ZNF804A: variants seen among roughly 807,000 people sequenced by gnomAD.
ZNF804A encodes the protein zinc finger protein 804A.
A neutral mutation model predicts 16.5 loss-of-function variants in ZNF804A; 2 were observed. The ratio of observed to expected loss-of-function variants is 0.12; its 90% confidence interval spans 0.05 to 0.38. ZNF804A has a LOEUF of 0.38. Among genes scored for constraint, ZNF804A ranks in the 10% least tolerant of loss-of-function variants. ZNF804A has a pLI of 0.99. For missense variants in ZNF804A, 1,473 were observed against 1,390.7 expected (o/e 1.06, Z -0.94); for synonymous variants, 534 against 489.6 (o/e 1.09, Z -1.20).
chr2:184,714,254 C>G (rs1693180118), intron 1 of ZNF804A, among the ~76,000 whole-genome samples: 1 of 151,964 alleles, frequency 6.6e-6, no homozygotes, highest in Admixed American at 6.6e-5. Flanking sequence ...TTCTGTTCAT[C>G]TTACTCCCTC....
rs1309169057 is a variant in ZNF804A at position 184,829,704 on chromosome 2, G to C, written c.112-36665G>C. 2.7e-5 allele frequency among the ~76,000 whole-genome samples: 4 copies of C among 150,926 alleles called. No homozygotes were observed. The East Asian group carries it at 7.8e-4, about 29-fold the overall frequency. The stretch of plus-strand genomic sequence containing the variant: ...CCATAGATTATTCTCTTAATCTTTG[G>C]AGATTAAGATTTTCTCTTAACCTTT... On this transcript the variant is annotated intron_variant, in intron 1 of 3. Transcript: ENST00000302277.
At chr2:184,927,173 G>C (rs1019508936) in intron 2 of ZNF804A, among the ~76,000 whole-genome samples, 1 of 152,220 alleles carries the variant, frequency 6.6e-6, no homozygotes, top group African/African-American at 2.4e-5. Flanking sequence ...CGAAAGGACT[G>C]TATGTTGTGA....
chr2:184,642,068 T>C (rs1412752281), intron 1 of ZNF804A, among the ~76,000 whole-genome samples: 3 of 152,108 alleles, frequency 2.0e-5, no homozygotes, highest in Non-Finnish European at 4.4e-5. Context: ...CCATGCACTC[T>C]TGATGTTTCT....
intron 1 of ZNF804A, among the ~76,000 whole-genome samples, chr2:184,694,691 A>G (rs1692791884): frequency 6.6e-6 from 1 of 152,244 alleles, no homozygotes; most frequent in South Asian, 2.1e-4. Context: ...TTTGAATTTC[A>G]GATAAACAGT....
chr2:184,938,891 T>A lies in ZNF804A; in HGVS notation c.3495T>A (p.Ala1165=), dbSNP rs770755886. Residue 1165 remains alanine, a synonymous_variant, in exon 4 of 4, where the codon GCT becomes GCA. Coordinates refer to ENST00000302277, the MANE Select transcript of ZNF804A (RefSeq NM_194250.2). The part of the protein sequence containing the change: ...LCPGNQPTFV[A]PPQMPIIPAS... ...CTGGGAACCAGCCAACTTTTGTTGC[T>A]CCTCCTCAGATGCCAATCATTCCAG... 8 of 1,613,904 alleles carry A rather than the reference T, an allele frequency of 5.0e-6. No homozygotes were observed. In the African/African-American group the frequency reaches 8.0e-5, roughly 16 times the overall value.
intron 2 of ZNF804A, among the ~76,000 whole-genome samples, chr2:184,908,505 C>T (rs1340868902): frequency 6.6e-6 from 1 of 152,062 alleles, no homozygotes; most frequent in African/African-American, 2.4e-5. Flanking sequence ...AACATGTTTG[C>T]ATGATCTGGG....
intron 1 of ZNF804A, among the ~76,000 whole-genome samples, chr2:184,682,407 A>C (rs986250814): frequency 6.6e-6 from 1 of 152,196 alleles, no homozygotes; most frequent in Non-Finnish European, 1.5e-5. Flanking sequence ...GTGGATGTTA[A>C]TTTGGAGTAC....
chr2:184,796,510 C>A (rs1343843368), intron 1 of ZNF804A, among the ~76,000 whole-genome samples: 1 of 152,064 alleles, frequency 6.6e-6, no homozygotes, highest in Non-Finnish European at 1.5e-5. Context: ...AGTTTATGTG[C>A]ATAAAAGTGT....
intron 1 of ZNF804A, among the ~76,000 whole-genome samples, chr2:184,793,135 T>C (rs927536878): frequency 3.9e-5 from 6 of 152,186 alleles, no homozygotes; most frequent in Non-Finnish European, 8.8e-5. Context: ...TAGTATTCCA[T>C]GGTGTATATG....
intron 1 of ZNF804A, among the ~76,000 whole-genome samples, chr2:184,840,800 G>A (rs1050668208): frequency 2.6e-5 from 4 of 152,038 alleles, no homozygotes; most frequent in African/African-American, 9.7e-5. Context: ...GAATTAAATG[G>A]TTATTCTTAA....
chr2:184,699,994 G>C (rs1251382886), intron 1 of ZNF804A, among the ~76,000 whole-genome samples: 1 of 152,062 alleles, frequency 6.6e-6, no homozygotes, highest in African/African-American at 2.4e-5. Context: ...CAGTGCAAGA[G>C]AGAAGAGATA....
chr2:184,787,715 T>A (rs1338546168), intron 1 of ZNF804A, among the ~76,000 whole-genome samples: 1 of 151,972 alleles, frequency 6.6e-6, no homozygotes, highest in Non-Finnish European at 1.5e-5. Context: ...GCCTTTCTCG[T>A]TGACTTCTTT....
At chr2:184,662,924 A>T (rs1209348478) in intron 1 of ZNF804A, among the ~76,000 whole-genome samples, 2 of 152,202 alleles carry the variant, frequency 1.3e-5, no homozygotes, top group Non-Finnish European at 2.9e-5. Flanking sequence ...AAACTTCATA[A>T]GTATTTAGAA....
intron 1 of ZNF804A, among the ~76,000 whole-genome samples, chr2:184,730,552 C>G (rs1341616861): frequency 6.6e-6 from 1 of 152,180 alleles, no homozygotes; most frequent in African/African-American, 2.4e-5. Context: ...TCCCCCACAC[C>G]TGGCAACTAC....
intron 1 of ZNF804A, among the ~76,000 whole-genome samples, chr2:184,861,811 T>TA (rs1398326963): frequency 6.6e-6 from 1 of 152,202 alleles, no homozygotes; most frequent in Non-Finnish European, 1.5e-5. Context: ...GGGGTGTGGA[T>TA]AAACCATTAT....
intron 1 of ZNF804A, among the ~76,000 whole-genome samples, chr2:184,812,056 ACT>A (rs1226114458): frequency 6.6e-6 from 1 of 152,132 alleles, no homozygotes; most frequent in Admixed American, 6.6e-5. Context: ...CTAATAAAAA[ACT>A]CTGAATTCCA....
chr2:184,642,994 T>G (rs1691816313), intron 1 of ZNF804A, among the ~76,000 whole-genome samples: 1 of 152,128 alleles, frequency 6.6e-6, no homozygotes, highest in Non-Finnish European at 1.5e-5. Context: ...TCTCTTTTAT[T>G]GATCTACAGC....
At chr2:184,747,188 C>T (rs1693801467) in intron 1 of ZNF804A, among the ~76,000 whole-genome samples, 1 of 150,524 alleles carries the variant, frequency 6.6e-6, no homozygotes. Context: ...CTGCTTTAGC[C>T]TCTGAAGACT....
chr2:184,901,776 A>G (rs570425423), intron 2 of ZNF804A, among the ~76,000 whole-genome samples: 5 of 151,932 alleles, frequency 3.3e-5, no homozygotes, highest in African/African-American at 9.7e-5. Context: ...TTCTCCTTTT[A>G]TATGTTTTGC....
Sources: gnomAD v4.1 joint callset for allele counts (sites outside exome capture counted in the v4.1 genomes callset) on GRCh38, gnomAD v4.1.1 for gene constraint, MANE v1.5 for transcripts, NCBI Gene and HGNC (gene_info 2026-07-23, HGNC 2026-07-21) for gene names.